ANKS4B: variants seen among roughly 807,000 people sequenced by gnomAD.
The protein encoded by ANKS4B is ankyrin repeat and SAM domain-containing protein 4B.
ANKS4B carries 21 observed loss-of-function variants against 20.2 expected under a neutral mutation model. The observed-to-expected ratio is 1.04, with a 90% confidence interval of 0.74 to 1.50. The LOEUF is 1.50. ANKS4B is among the 40% of genes most tolerant of loss of function. The pLI is 0.00. For synonymous variants in ANKS4B, 179 were observed against 194.5 expected (o/e 0.92, Z 0.66); for missense variants, 473 against 494.6 (o/e 0.96, Z 0.41).
chr16:21,237,270 C>T (rs1232354086), intron 1 of ANKS4B, among the ~76,000 whole-genome samples: 3 of 152,180 alleles, frequency 2.0e-5, no homozygotes, highest in African/African-American at 4.8e-5. Context: ...ATTTGCCCAC[C>T]TCGGCCTCCC....
At chr16:21,248,709 C>T (rs950730080) in intron 1 of ANKS4B, among the ~76,000 whole-genome samples, 17 of 151,874 alleles carry the variant, frequency 1.1e-4, no homozygotes, top group Admixed American at 2.6e-4. Flanking sequence ...CCAGCCTGGA[C>T]GACAGAGCAA....
At chr16:21,247,173 C>T (rs1189890800) in intron 1 of ANKS4B, among the ~76,000 whole-genome samples, 1 of 151,540 alleles carries the variant, frequency 6.6e-6, no homozygotes, top group African/African-American at 2.4e-5. Flanking sequence ...TTAAGCAATT[C>T]TCTGCCTCAG....
chr16:21,249,679 GT>G, intron 1 of ANKS4B, 51 bp from the exon 2 acceptor site: 1 of 1,531,732 alleles, frequency 6.5e-7, no homozygotes, highest in Non-Finnish European at 8.8e-7. Context: ...TTGGGCCTGC[GT>G]TCAGAGAAAA....
chr16:21,249,759 G>T lies in ANKS4B; in HGVS notation c.193G>T (p.Gly65Ter). 5 of 1,613,492 alleles carry T rather than the reference G, an allele frequency of 3.1e-6. No individual in the cohort carries two copies. Among genetic ancestry groups the T allele is most frequent in the Non-Finnish European group, 3.4e-6 (4 of 1,179,600 alleles). ...GGDPDRCDIW[G>*]NTPLHFAASN... The stretch of plus-strand genomic sequence containing the variant: ...GGACCCTGATAGGTGTGACATCTGG[G>T]GAAACACTCCTCTACATTTTGCAGC... The change falls in exon 2 of 2, where the codon GGA (glycine) becomes TGA (stop). Residue 65 changes from glycine (G) to a stop codon, truncating the protein, a stop_gained. Transcript: ENST00000311620. LOFTEE classifies it high-confidence loss of function.
At chr16:21,245,922 C>T (rs2093331753) in intron 1 of ANKS4B, among the ~76,000 whole-genome samples, 1 of 152,164 alleles carries the variant, frequency 6.6e-6, no homozygotes, top group African/African-American at 2.4e-5. Flanking sequence ...ATGTGCCAAG[C>T]AGTTTTCCAA....
Position 21,251,603 on chromosome 16 carries a change from A to C in ANKS4B, c.*783A>C, listed in dbSNP as rs1213318731. ...GATCTATGACTTTGCCTAGTGGTAG[A>C]GACTAGAGTTCTTTCCTGGCCTGCG... On this transcript the variant is annotated 3_prime_UTR_variant, in exon 2 of 2. Coordinates refer to ENST00000311620, the MANE Select transcript of ANKS4B (RefSeq NM_145865.3). The C allele has an allele frequency of 6.6e-6, 1 of 152,226 alleles. No homozygotes were observed. Among genetic ancestry groups the C allele is most frequent in the African/African-American group, 2.4e-5 (1 of 41,448 alleles). The allele number at this position is 152,226 out of a possible 1,614,324, so 9.4% of individuals were successfully genotyped here.
rs1487909049 is a variant in ANKS4B, at chr16:21,252,658, A to G, written c.*1838A>G. The G allele has an allele frequency of 2.6e-5, 4 of 152,252 alleles. No individual in the cohort carries two copies. The highest frequency in any genetic ancestry group is 4.4e-5 in the Non-Finnish European group (3 of 68,040). 9.4% of individuals were successfully genotyped at this position (152,252 alleles called of 1,614,324 possible). A position where few individuals can be genotyped will look rare whatever the true frequency, so the allele number is the denominator to read the frequency against. On this transcript the variant is annotated 3_prime_UTR_variant, in exon 2 of 2. Transcript: ENST00000311620. ...TTGTCAAAGGAAATTTCACATTTTCATGCTTATTATGTACACATGGTTTAT... is the reference window on the plus strand; with the variant it reads ...TTGTCAAAGGAAATTTCACATTTTCGTGCTTATTATGTACACATGGTTTAT...
chr16:21,244,091 A>G (rs897548494), intron 1 of ANKS4B: 1 of 151,954 alleles, frequency 6.6e-6, no homozygotes, highest in Admixed American at 6.6e-5. Flanking sequence ...AAAAAAAAAA[A>G]AATGAGATCA....
At position 21,235,668 on chromosome 16, in the gene ANKS4B, G is replaced by A. The variant is rs145522364; in HGVS notation, c.164+1767G>A. On this transcript the variant is annotated intron_variant, in intron 1 of 1. Coordinates refer to ENST00000311620, the MANE Select transcript of ANKS4B (RefSeq NM_145865.3). ...AATCAATAATGATTGACTGGATGTG[G>A]GCAGATAAAGGAAAAGGAGGGTTAA... Among the ~76,000 whole-genome samples, 684 of 152,208 alleles carry A rather than the reference G, an allele frequency of 4.5e-3. 5 individuals carry two copies. Among genetic ancestry groups the A allele is most frequent in the African/African-American group, 0.016 (653 of 41,506 alleles).
chr16:21,241,048 C>T (rs931765418), intron 1 of ANKS4B, among the ~76,000 whole-genome samples: 1 of 152,180 alleles, frequency 6.6e-6, no homozygotes, highest in Non-Finnish European at 1.5e-5. Context: ...CCTGCCTTGG[C>T]CTCCCAAATT....
intron 1 of ANKS4B, 42 bp from the exon 2 acceptor site, chr16:21,249,689 A>T (rs2093336328): frequency 1.3e-6 from 2 of 1,540,792 alleles, no homozygotes; most frequent in Admixed American, 2.1e-5. Flanking sequence ...GTTCAGAGAA[A>T]AAAAGTCCAA....
chr16:21,237,595 A>C (rs1223727804), intron 1 of ANKS4B, among the ~76,000 whole-genome samples: 2 of 107,026 alleles, frequency 1.9e-5, no homozygotes, highest in Non-Finnish European at 4.6e-5. Flanking sequence ...GGAAGGGGCA[A>C]AAAAAAAAAA....
In ANKS4B at chr16:21,238,253, T is replaced by G. The variant is rs149030796; in HGVS notation, c.164+4352T>G. Among the ~76,000 whole-genome samples the G allele has an allele frequency of 4.6e-5, 7 of 152,352 alleles. No individual in the cohort carries two copies. The East Asian group carries it at 1.3e-3, about 29-fold the overall frequency. Reference sequence around the variant, plus strand: ...TTTGGTTGCCGATGAGGTTGAAAATTCTTTTTATGCTTAAAAAGAATTGGC... The same window carrying G: ...TTTGGTTGCCGATGAGGTTGAAAATGCTTTTTATGCTTAAAAAGAATTGGC... On this transcript the variant is annotated intron_variant, in intron 1 of 1. Coordinates refer to ENST00000311620, the MANE Select transcript of ANKS4B (RefSeq NM_145865.3).
chr16:21,234,093 A>G (rs527463539), intron 1 of ANKS4B, among the ~76,000 whole-genome samples, 192 bp downstream of exon 1: 1 of 152,226 alleles, frequency 6.6e-6, no homozygotes, highest in Non-Finnish European at 1.5e-5. Context: ...CTGGCACTAT[A>G]GGAGTGGCTC....
rs191624430 is a variant in ANKS4B, at chr16:21,250,934, G to A, written c.*114G>A. ...CACTGGGAATGGATTCTAGGGCATC[G>A]GAAATGCCTACCTGAGAGAGAGACC... On this transcript the variant is annotated 3_prime_UTR_variant, in exon 2 of 2. Transcript: ENST00000311620. 3.0e-4 allele frequency: 433 copies of A among 1,422,910 alleles called. 4 individuals are homozygous for A. The highest frequency in any genetic ancestry group is 2.8e-3 in the East Asian group (123 of 43,192). 88.1% of individuals were successfully genotyped at this position (1,422,910 alleles called of 1,614,324 possible). A position where few individuals can be genotyped will look rare whatever the true frequency, so the allele number is the denominator to read the frequency against.
At chr16:21,244,237 G>A (rs924693842) in intron 1 of ANKS4B, among the ~76,000 whole-genome samples, 5 of 152,046 alleles carry the variant, frequency 3.3e-5, no homozygotes, top group African/African-American at 1.2e-4. Flanking sequence ...CACAGGGAGG[G>A]GAACATCACA....
At position 21,251,035 on chromosome 16, in the gene ANKS4B, A is replaced by G; in HGVS notation, c.*215A>G. The stretch of plus-strand genomic sequence containing the variant: ...AGAAACTTGAGGAGACTTCATAACA[A>G]GAATCTGGCATTTCTCTTCAGTTAT... On this transcript the variant is annotated 3_prime_UTR_variant, in exon 2 of 2. Coordinates refer to ENST00000311620, the MANE Select transcript of ANKS4B (RefSeq NM_145865.3). 3.8e-6 allele frequency: 2 copies of G among 532,314 alleles called. No homozygotes were observed. The allele number at this position is 532,314 out of a possible 1,614,324, so 33.0% of individuals were successfully genotyped here.
rs1186086763 is a variant in ANKS4B, at chr16:21,250,615, T to C, written c.1049T>C (p.Val350Ala). ...GTGGTCGATGCCACGCCCCTGGAAG[T>C]GTTCTTGCTGTCTCAGCACCTGGAA... The part of the protein sequence containing the change: ...EDVVDATPLE[V>A]FLLSQHLEEF... The change falls in exon 2 of 2, where the codon GTG becomes GCG. Residue 350 changes from valine to alanine, a missense_variant. Transcript: ENST00000311620. 1 of 1,613,958 alleles carries C rather than the reference T, an allele frequency of 6.2e-7. No homozygotes were observed. Among genetic ancestry groups the C allele is most frequent in the Non-Finnish European group, 8.5e-7 (1 of 1,179,944 alleles).
intron 1 of ANKS4B, among the ~76,000 whole-genome samples, chr16:21,240,992 A>G (rs1268651618): frequency 3.9e-5 from 6 of 151,920 alleles, no homozygotes; most frequent in Non-Finnish European, 8.8e-5. Flanking sequence ...GGGTTTCACT[A>G]TATGTTGGCC....
Sources: gnomAD v4.1 joint callset for allele counts (sites outside exome capture counted in the v4.1 genomes callset) on GRCh38, gnomAD v4.1.1 for gene constraint, MANE v1.5 for transcripts, NCBI Gene and HGNC (gene_info 2026-07-23, HGNC 2026-07-21) for gene names.